The following OLFM2 variants were observed in gnomAD, a reference collection of about 807,000 sequenced individuals.
OLFM2 encodes the protein olfactomedin 2.
OLFM2 carries 20 observed loss-of-function variants against 43.9 expected under a neutral mutation model. That is an observed-to-expected ratio of 0.46 (90% CI 0.32 to 0.66). OLFM2 has a LOEUF of 0.66. Among genes scored for constraint, OLFM2 ranks in the 30% least tolerant of loss-of-function variants. OLFM2 has a pLI of 0.04. For missense variants in OLFM2, 416 were observed against 643.6 expected, an observed-to-expected ratio of 0.65 and a Z score of 3.83; for synonymous variants, 268 against 278.6, an observed-to-expected ratio of 0.96 and a Z score of 0.38.
chr19:9,909,557 C>A (rs2046811387), intron 1 of OLFM2, among the ~76,000 whole-genome samples: 1 of 133,394 alleles, frequency 7.5e-6, no homozygotes, highest in South Asian at 2.4e-4. Context: ...GAAGCAGGAC[C>A]CCCAAGGCTC....
At chr19:9,870,126 C>T (rs191085636) in intron 1 of OLFM2, among the ~76,000 whole-genome samples, 10 of 151,976 alleles carry the variant, frequency 6.6e-5, no homozygotes, top group African/African-American at 2.2e-4. Context: ...TGCAGCAGCA[C>T]GCTCACGGTT....
chr19:9,866,114 C>T (rs376695494), intron 1 of OLFM2, among the ~76,000 whole-genome samples: 131 of 152,298 alleles, frequency 8.6e-4, no homozygotes, highest in African/African-American at 2.9e-3. Flanking sequence ...TAATTGTCTG[C>T]GTTGGACGCA....
chr19:9,894,216 C>T (rs544710248), intron 1 of OLFM2, among the ~76,000 whole-genome samples: 4 of 151,068 alleles, frequency 2.6e-5, no homozygotes, highest in South Asian at 2.1e-4. Flanking sequence ...CCACTTGAAC[C>T]CGGGAAGGGG....
At chr19:9,860,082 C>T (rs533258588) in intron 2 of OLFM2, among the ~76,000 whole-genome samples, 277 of 150,904 alleles carry the variant, frequency 1.8e-3, no homozygotes, top group African/African-American at 6.5e-3. Context: ...GTGGAGGTTG[C>T]GGTGAGCTGA....
At chr19:9,858,751 C>T (rs1468242411) in intron 2 of OLFM2, among the ~76,000 whole-genome samples, 7 of 152,178 alleles carry the variant, frequency 4.6e-5, no homozygotes, top group Non-Finnish European at 1.0e-4. Context: ...GGTAGACTCC[C>T]ATCTGACTAA....
chr19:9,928,951 G>A (rs2086468252), intron 1 of OLFM2, among the ~76,000 whole-genome samples: 1 of 151,992 alleles, frequency 6.6e-6, no homozygotes, highest in African/African-American at 2.4e-5. Flanking sequence ...CTGAGGTGGT[G>A]TGCACCTGTA....
intron 1 of OLFM2, among the ~76,000 whole-genome samples, chr19:9,872,661 T>A (rs1271476864): frequency 6.6e-6 from 1 of 152,126 alleles, no homozygotes; most frequent in Non-Finnish European, 1.5e-5. Context: ...TGATTGTGAA[T>A]CCACATATTC....
chr19:9,876,835 T>G (rs2046492899), intron 1 of OLFM2, among the ~76,000 whole-genome samples: 1 of 152,214 alleles, frequency 6.6e-6, no homozygotes, highest in African/African-American at 2.4e-5. Context: ...GGTTTGAATG[T>G]GTCCCCGCAA....
chr19:9,877,229 C>CAA lies in OLFM2; in HGVS notation c.64-16437_64-16436dup, dbSNP rs1284739436. On this transcript the variant is annotated intron_variant, in intron 1 of 5. Coordinates refer to ENST00000264833, the MANE Select transcript of OLFM2 (RefSeq NM_058164.4). Reference sequence around the variant, plus strand: ...TTGGCGACAGAGTGAGACTCCATCTCAAAAAAAAAAAAAAAAAAATATGGC... The same window carrying CAA: ...TTGGCGACAGAGTGAGACTCCATCTCAAAAAAAAAAAAAAAAAAAAATATGGC... Among the ~76,000 whole-genome samples the CAA allele has an allele frequency of 1.0e-3, 47 of 45,366 alleles. No homozygotes were observed. The South Asian group carries it at 0.01, about 10-fold the overall frequency. 29.8% of individuals were successfully genotyped at this position (45,366 alleles called of 152,430 possible).
At position 9,896,245 on chromosome 19, in the gene OLFM2, C is replaced by T. The variant is rs568146339; in HGVS notation, c.64-35451G>A. On this transcript the variant is annotated intron_variant, in intron 1 of 5. Coordinates refer to ENST00000264833, the MANE Select transcript of OLFM2 (RefSeq NM_058164.4). ...CCTCCCGAGTAGCTGGGACTACAGG[C>T]GCCCGCCACCACGCCCGACTAATTT... 7.4e-4 allele frequency among the ~76,000 whole-genome samples: 112 copies of T among 151,658 alleles called. No individual in the cohort carries two copies. In the Middle Eastern group the frequency reaches 0.017, roughly 23 times the overall value.
chr19:9,899,988 G>A (rs2046717192), intron 1 of OLFM2, among the ~76,000 whole-genome samples: 1 of 152,036 alleles, frequency 6.6e-6, no homozygotes. Flanking sequence ...CTTGTCTCAC[G>A]TGTCCCCCTG....
At chr19:9,934,949 A>G (rs2086506732) in intron 1 of OLFM2, among the ~76,000 whole-genome samples, 1 of 152,086 alleles carries the variant, frequency 6.6e-6, no homozygotes, top group Non-Finnish European at 1.5e-5. Flanking sequence ...ATCTACCTAA[A>G]AGCCCACCTA....
At position 9,931,466 on chromosome 19, in the gene OLFM2, G is replaced by A. The variant is rs777054933; in HGVS notation, c.63+4838C>T. Among the ~76,000 whole-genome samples, 7 of 152,078 alleles carry A rather than the reference G, an allele frequency of 4.6e-5. No homozygotes were observed. The South Asian group carries it at 1.2e-3, about 27-fold the overall frequency. On this transcript the variant is annotated intron_variant, in intron 1 of 5. Coordinates refer to ENST00000264833, the MANE Select transcript of OLFM2 (RefSeq NM_058164.4). ...GCCTGTAATCCCAGCAGTTTAGGAG[G>A]CCGAGGCAGACAAATCAAGATGTCA...
intron 1 of OLFM2, among the ~76,000 whole-genome samples, chr19:9,890,731 C>T (rs528080123): frequency 2.0e-4 from 31 of 151,596 alleles, no homozygotes; most frequent in Non-Finnish European, 4.0e-4. Context: ...GGCAGGAGAA[C>T]TGCTTGAGGC....
intron 1 of OLFM2, among the ~76,000 whole-genome samples, chr19:9,934,410 C>T (rs2086503662): frequency 1.3e-5 from 2 of 152,170 alleles, no homozygotes; most frequent in Non-Finnish European, 2.9e-5. Context: ...CCCTCCCAGC[C>T]CTGGGGGCTG....
In OLFM2 at chr19:9,935,512, G is replaced by A. The variant is rs117473495; in HGVS notation, c.63+792C>T. On this transcript the variant is annotated intron_variant, in intron 1 of 5. Coordinates refer to ENST00000264833, the MANE Select transcript of OLFM2 (RefSeq NM_058164.4). ...CCAAGATACACACACACACGTGCATGGATGGACACGTTTGCACACACAGCG... is the reference window on the plus strand; with the variant it reads ...CCAAGATACACACACACACGTGCATAGATGGACACGTTTGCACACACAGCG... 2.8e-4 allele frequency among the ~76,000 whole-genome samples: 43 copies of A among 152,142 alleles called. No homozygotes were observed. In the East Asian group the frequency reaches 7.5e-3, roughly 27 times the overall value.
intron 1 of OLFM2, among the ~76,000 whole-genome samples, chr19:9,879,496 G>A (rs1377352456): frequency 2.0e-5 from 3 of 152,062 alleles, no homozygotes; most frequent in Non-Finnish European, 2.9e-5. Context: ...TGCTCTGGCC[G>A]TGTAAAACCC....
chr19:9,905,862 T>A (rs1167607296), intron 1 of OLFM2, among the ~76,000 whole-genome samples: 1 of 152,144 alleles, frequency 6.6e-6, no homozygotes. Context: ...AGCCCCAACA[T>A]GTGCCATATC....
chr19:9,887,076 C>T (rs981405358), intron 1 of OLFM2, among the ~76,000 whole-genome samples: 3 of 152,216 alleles, frequency 2.0e-5, no homozygotes, highest in Admixed American at 2.0e-4. Context: ...CAAAACAGAA[C>T]AGTGCCTGGC....
Sources: allele counts gnomAD v4.1 joint callset (sites outside exome capture counted in the v4.1 genomes callset), GRCh38; gene constraint gnomAD v4.1.1; transcripts MANE v1.5; gene names NCBI Gene and HGNC (gene_info 2026-07-23, HGNC 2026-07-21).